Variants in KIDINS220 observed in about 807,000 individuals in gnomAD.
The protein encoded by KIDINS220 is kinase D interacting substrate 220.
Under a neutral mutation model 157.6 loss-of-function variants are expected in KIDINS220, and 63 were observed. The ratio of observed to expected loss-of-function variants is 0.40; its 90% CI spans 0.33 to 0.49. The LOEUF is 0.49. KIDINS220 is among the 20% of genes least tolerant of loss of function. KIDINS220 has a pLI of 0.66. For synonymous variants in KIDINS220, 732 were observed against 783.6 expected, an observed-to-expected ratio of 0.93 and a Z score of 1.10; for missense variants, 1,772 against 2,171.2, an observed-to-expected ratio of 0.82 and a Z score of 3.65.
chr2:8,765,744 G>C (rs952457134), intron 22 of KIDINS220, among the ~76,000 whole-genome samples: 138 of 152,214 alleles, frequency 9.1e-4, no homozygotes, highest in African/African-American at 3.2e-3. Flanking sequence ...CCAGGCTGGA[G>C]TGTGGTAGCT....
chr2:8,745,294 C>T (rs1666384067), intron 26 of KIDINS220, among the ~76,000 whole-genome samples: 1 of 152,152 alleles, frequency 6.6e-6, no homozygotes, highest in Non-Finnish European at 1.5e-5. Context: ...AAAGGTCATT[C>T]TTGCATATAG....
intron 22 of KIDINS220, among the ~76,000 whole-genome samples, chr2:8,770,332 G>A (rs369103550): frequency 7.9e-5 from 12 of 152,164 alleles, no homozygotes; most frequent in African/African-American, 2.7e-4. Context: ...CTTGAGTCCA[G>A]GAGTTTGAGG....
At chr2:8,789,540 G>T (rs1672904323) in intron 14 of KIDINS220, among the ~76,000 whole-genome samples, 1 of 151,954 alleles carries the variant, frequency 6.6e-6, no homozygotes, top group Admixed American at 6.6e-5. Context: ...TGCCCGCCTT[G>T]GGCTCCCAAA....
At chr2:8,802,635 T>G (rs908878635) in intron 8 of KIDINS220, among the ~76,000 whole-genome samples, 2 of 152,182 alleles carry the variant, frequency 1.3e-5, no homozygotes, top group Non-Finnish European at 2.9e-5. Flanking sequence ...GATCAGTAAG[T>G]GTGAGCTCAA....
At position 8,731,661 on chromosome 2, in the gene KIDINS220, C is replaced by T. The variant is rs1401751844; in HGVS notation, c.4375G>A (p.Asp1459Asn). Reference sequence around the variant, plus strand: ...GTGGAAACCCCTGATGATGAATAATCGATAACATCTCCCCTCTTCATTAGA... The same window carrying T: ...GTGGAAACCCCTGATGATGAATAATTGATAACATCTCCCCTCTTCATTAGA... ...SFLMKRGDVI[D>N]YSSSGVSTND... Residue 1459 changes from aspartate to asparagine, a missense_variant, in exon 30 of 30, where the codon GAT becomes AAT. Asp to Asn is a conservative substitution (Grantham distance 23). Around this residue, in one of 3 missense-constraint regions of KIDINS220, gnomAD observed 793 missense variants for 885.5 expected, o/e 0.90. Transcript: ENST00000256707. The surrounding 1 kb of genome is among the most constrained non-coding windows in gnomAD (Gnocchi z 5.2). The T allele has an allele frequency of 1.2e-6, 2 of 1,614,144 alleles. No individual in the cohort carries two copies. The highest frequency in any genetic ancestry group is 1.7e-5 in the Admixed American group (1 of 60,024).
At chr2:8,778,434 G>A (rs1671258730) in intron 20 of KIDINS220, among the ~76,000 whole-genome samples, 1 of 152,184 alleles carries the variant, frequency 6.6e-6, no homozygotes. Context: ...AGAACAGGTT[G>A]GGACCCCTAT....
chr2:8,784,747 A>C (rs1244769263), intron 17 of KIDINS220, among the ~76,000 whole-genome samples: 1 of 152,250 alleles, frequency 6.6e-6, no homozygotes, highest in Admixed American at 6.5e-5. Flanking sequence ...AAAATCCAGA[A>C]CACCAATAAT....
Position 8,733,533 on chromosome 2 carries a change from T to G in KIDINS220, c.3964A>C (p.Thr1322Pro). ...AAGCTGAAGTTGAGTGTGTAGGGCG[T>G]CTGGCTGGAGAGCTCGGTGTGAGGC... ...ELPHTELSSQ[T>P]PYTLNFSFEE... The change falls in exon 29 of 30, where the codon ACG becomes CCG. Residue 1322 changes from threonine to proline, a missense_variant. By Grantham distance (38) the Thr-to-Pro change is conservative. Transcript: ENST00000256707. 1.2e-6 allele frequency: 2 copies of G among 1,614,090 alleles called. No individual in the cohort carries two copies. The highest frequency in any genetic ancestry group is 1.7e-6 in the Non-Finnish European group (2 of 1,180,002).
intron 5 of KIDINS220, 110 bp downstream of exon 5, chr2:8,813,126 TA>T: frequency 1.6e-6 from 1 of 623,314 alleles, no homozygotes. Context: ...TTACGTTTAA[TA>T]AGATAAAGAA....
intron 1 of KIDINS220, among the ~76,000 whole-genome samples, chr2:8,833,018 CT>C (rs1231450153): frequency 6.6e-6 from 1 of 152,038 alleles, no homozygotes; most frequent in Non-Finnish European, 1.5e-5. Context: ...TCACCTCAAA[CT>C]TTTCTCATTT....
chr2:8,827,063 T>C lies in KIDINS220; in HGVS notation c.31A>G (p.Asn11Asp), dbSNP rs1220510683. 1.2e-5 allele frequency: 19 copies of C among 1,606,254 alleles called. No homozygotes were observed. Among genetic ancestry groups the C allele is most frequent in the Non-Finnish European group, 1.5e-5 (18 of 1,174,736 alleles). ...GGAATGTTTTCTTCCTCTACATAAT[T>C]TATGACGCTCTGTGATATCAAAACT... is the stretch of plus-strand genomic sequence containing the variant. MSVLISQSVI[N>D]YVEEENIPAL... The change falls in exon 2 of 30, where the codon AAT becomes GAT. Residue 11 changes from asparagine (N) to aspartate (D), a missense_variant. Asn to Asp is a conservative substitution (Grantham distance 23). Transcript: ENST00000256707.
chr2:8,753,156 C>T (rs180923981), intron 22 of KIDINS220, among the ~76,000 whole-genome samples: 1 of 151,832 alleles, frequency 6.6e-6, no homozygotes, highest in East Asian at 1.9e-4. Context: ...AGAAACAAAT[C>T]AAATGTCCAC....
At chr2:8,815,623 T>A (rs1490950754) in intron 4 of KIDINS220, among the ~76,000 whole-genome samples, 4 of 152,010 alleles carry the variant, frequency 2.6e-5, no homozygotes, top group African/African-American at 9.7e-5. Flanking sequence ...GAGCCAAGAT[T>A]GTGCCACTGT....
At chr2:8,773,548 C>G (rs1670523007) in intron 21 of KIDINS220, among the ~76,000 whole-genome samples, 1 of 151,850 alleles carries the variant, frequency 6.6e-6, no homozygotes, top group African/African-American at 2.4e-5. Context: ...TCTCAGCTCA[C>G]TGCAAACTCT....
intron 26 of KIDINS220, among the ~76,000 whole-genome samples, chr2:8,738,926 T>G (rs1225423509): frequency 6.6e-6 from 1 of 152,234 alleles, no homozygotes; most frequent in East Asian, 1.9e-4. Flanking sequence ...TTCTTTAGGG[T>G]TAAAATTATT....
Position 8,731,557 on chromosome 2 carries a change from G to T in KIDINS220, c.4479C>A (p.Gly1493=). 6.2e-7 allele frequency: 1 copy of T among 1,614,132 alleles called. No individual in the cohort carries two copies. Among genetic ancestry groups the T allele is most frequent in the Non-Finnish European group, 8.5e-7 (1 of 1,180,018 alleles). Residue 1493 remains glycine (G), a synonymous_variant, in exon 30 of 30, where the codon GGC becomes GGA. Coordinates refer to ENST00000256707, the MANE Select transcript of KIDINS220 (RefSeq NM_020738.4). The surrounding 1 kb of genome is among the most constrained non-coding windows in gnomAD (Gnocchi z 5.2). ...GGCTTGACCTTTCGGAAGATTTCTT[G>T]CCTGGGAGAAGCTTACTGCCTGACT... ...SDQSGSKLLP[G]KKSSERSSLF... is the part of the protein sequence containing the mutation.
At chr2:8,726,905 C>T (rs1405993811), downstream of KIDINS220, 1 of 1,288,988 alleles carries the variant, frequency 7.8e-7, no homozygotes, top group Non-Finnish European at 1.0e-6. Context: ...AATCTGGATC[C>T]TCTGAAGAGC....
chr2:8,796,159 G>A (rs915360403), intron 11 of KIDINS220, among the ~76,000 whole-genome samples: 6 of 152,032 alleles, frequency 3.9e-5, no homozygotes, highest in African/African-American at 9.7e-5. Context: ...TTCATCAGAG[G>A]AGAAAATTTA....
At chr2:8,764,634 T>C (rs1385963813) in intron 22 of KIDINS220, among the ~76,000 whole-genome samples, 1 of 152,208 alleles carries the variant, frequency 6.6e-6, no homozygotes, top group East Asian at 1.9e-4. Context: ...GGCCCAGGGA[T>C]ATACTGGTAT....
Sources: allele counts gnomAD v4.1 joint callset (sites outside exome capture counted in the v4.1 genomes callset), GRCh38; gene constraint gnomAD v4.1.1; regional missense constraint gnomAD v4.1.1; non-coding constraint Gnocchi (gnomAD v3.1); transcripts MANE v1.5; gene names NCBI Gene and HGNC (gene_info 2026-07-23, HGNC 2026-07-21).